CNTN5: variants seen among roughly 807,000 people sequenced by gnomAD.
The protein encoded by CNTN5 is contactin-5.
In CNTN5, 77 loss-of-function variants were observed where a neutral mutation model predicts 129.1. The ratio of observed to expected loss-of-function variants is 0.60; its 90% CI spans 0.50 to 0.72. The LOEUF (loss-of-function observed/expected upper bound fraction) is 0.72, where lower values mean the gene tolerates loss of function less well. Among genes scored for constraint, CNTN5 ranks in the 30% least tolerant of loss-of-function variants. The pLI is 0.00. For missense variants in CNTN5, 1,478 were observed against 1,328.8 expected (o/e 1.11, Z -1.75); for synonymous variants, 509 against 465.6 (o/e 1.09, Z -1.20).
intron 13 of CNTN5, among the ~76,000 whole-genome samples, chr11:100,176,071 G>A (rs1458978856): frequency 6.6e-6 from 1 of 152,048 alleles, no homozygotes; most frequent in African/African-American, 2.4e-5. Flanking sequence ...CCAGGCTAGA[G>A]TGCAGTGGCT....
At chr11:99,978,604 A>G (rs774367935) in intron 8 of CNTN5, among the ~76,000 whole-genome samples, 14 of 152,242 alleles carry the variant, frequency 9.2e-5, no homozygotes, top group Middle Eastern at 3.2e-3. Flanking sequence ...AGTATTCAGT[A>G]GAGTAACATG....
chr11:99,082,346 A>G (rs998187531), intron 1 of CNTN5, among the ~76,000 whole-genome samples: 2 of 152,050 alleles, frequency 1.3e-5, no homozygotes, highest in Admixed American at 1.3e-4. Flanking sequence ...CACCATGCCC[A>G]GCTAATTTTT....
intron 3 of CNTN5, among the ~76,000 whole-genome samples, chr11:99,770,380 A>G (rs761544582): frequency 2.2e-4 from 34 of 152,178 alleles, no homozygotes; most frequent in Middle Eastern, 3.4e-3. Context: ...TTAGCATATA[A>G]TTTATGATTC....
chr11:100,023,842 A>AT (rs149330687), intron 9 of CNTN5, among the ~76,000 whole-genome samples: 9,805 of 150,456 alleles, frequency 0.065, 434 homozygotes, highest in East Asian at 0.21. Context: ...TTGATAGCTA[A>AT]TTTTTTTTTT....
At chr11:99,080,369 G>C (rs995993724) in intron 1 of CNTN5, among the ~76,000 whole-genome samples, 1 of 152,170 alleles carries the variant, frequency 6.6e-6, no homozygotes, top group South Asian at 2.1e-4. Context: ...AAAGTGGTGT[G>C]GAGAGAGCAT....
chr11:99,601,067 T>C (rs1055639852), intron 3 of CNTN5, among the ~76,000 whole-genome samples: 5 of 152,232 alleles, frequency 3.3e-5, no homozygotes, highest in Admixed American at 2.6e-4. Context: ...GGATCACATA[T>C]ACCTTATTTC....
chr11:99,849,193 A>G (rs976736480), intron 6 of CNTN5, among the ~76,000 whole-genome samples: 6 of 151,624 alleles, frequency 4.0e-5, no homozygotes, highest in African/African-American at 1.5e-4. Context: ...ATTATTATAC[A>G]TATTTATTGT....
At chr11:99,851,758 C>A (rs898445740) in intron 6 of CNTN5, among the ~76,000 whole-genome samples, 4 of 152,164 alleles carry the variant, frequency 2.6e-5, no homozygotes, top group Non-Finnish European at 5.9e-5. Context: ...ATTAAAATAA[C>A]CTACTTAACT....
At chr11:100,246,400 T>G (rs1352493704) in intron 16 of CNTN5, among the ~76,000 whole-genome samples, 1 of 152,096 alleles carries the variant, frequency 6.6e-6, no homozygotes, top group Non-Finnish European at 1.5e-5. Context: ...CAAATCTCTT[T>G]TCTTTAGATC....
chr11:99,138,727 A>G (rs1164054947), intron 1 of CNTN5, among the ~76,000 whole-genome samples: 1 of 152,194 alleles, frequency 6.6e-6, no homozygotes, highest in Non-Finnish European at 1.5e-5. Flanking sequence ...CACAAATAAC[A>G]TGAGAAGTCA....
intron 2 of CNTN5, among the ~76,000 whole-genome samples, chr11:99,479,546 T>A (rs1945509932): frequency 6.6e-6 from 1 of 152,000 alleles, no homozygotes; most frequent in Admixed American, 6.6e-5. Flanking sequence ...ATAATCTAAT[T>A]ATAAATAAGC....
chr11:99,164,317 C>A (rs867117788), intron 1 of CNTN5, among the ~76,000 whole-genome samples: 1 of 119,482 alleles, frequency 8.4e-6, no homozygotes, highest in Non-Finnish European at 1.7e-5. Flanking sequence ...AGCAACACTC[C>A]ATCTCAAAAA....
chr11:99,482,926 T>C (rs1344593403), intron 2 of CNTN5, among the ~76,000 whole-genome samples: 1 of 151,828 alleles, frequency 6.6e-6, no homozygotes, highest in Non-Finnish European at 1.5e-5. Context: ...AAAATAACTC[T>C]TAAAACTCAA....
intron 3 of CNTN5, among the ~76,000 whole-genome samples, chr11:99,579,429 C>T (rs1412681295): frequency 2.0e-5 from 3 of 151,684 alleles, no homozygotes; most frequent in Non-Finnish European, 4.4e-5. Context: ...GCAGAATGGC[C>T]ATTTTCATGA....
intron 3 of CNTN5, among the ~76,000 whole-genome samples, chr11:99,700,644 T>C (rs144426347): frequency 2.0e-5 from 3 of 151,508 alleles, no homozygotes; most frequent in South Asian, 4.1e-4. Flanking sequence ...AATTTTGTCA[T>C]GAAATGCAGC....
At chr11:99,360,965 T>G (rs1939069386) in intron 2 of CNTN5, among the ~76,000 whole-genome samples, 1 of 152,208 alleles carries the variant, frequency 6.6e-6, no homozygotes, top group Non-Finnish European at 1.5e-5. Flanking sequence ...TGCTTAGATT[T>G]TTTTTGGCCA....
rs762477372 is a variant in CNTN5 at position 100,225,000 on chromosome 11, T to C, written c.2005+188T>C. The C allele has an allele frequency of 6.6e-6, 3 of 455,864 alleles. No homozygotes were observed. In the Admixed American group the frequency reaches 1.0e-4, roughly 16 times the overall value. 28.2% of individuals were successfully genotyped at this position (455,864 alleles called of 1,614,324 possible). On this transcript the variant is annotated intron_variant, in intron 16 of 24. Coordinates refer to ENST00000524871, the MANE Select transcript of CNTN5 (RefSeq NM_014361.4). The stretch of plus-strand genomic sequence containing the variant: ...TGGAAAACTCCTCCTTAGTAACAGA[T>C]GAAAACCACCAAACTAACTTCAGAG...
chr11:99,259,317 C>A (rs1862523237), intron 1 of CNTN5, among the ~76,000 whole-genome samples: 3 of 151,622 alleles, frequency 2.0e-5, no homozygotes, highest in Non-Finnish European at 2.9e-5. Flanking sequence ...ATCCTATACC[C>A]ATATATGTTA....
chr11:100,082,315 A>T (rs552460614), intron 13 of CNTN5, among the ~76,000 whole-genome samples: 40 of 152,270 alleles, frequency 2.6e-4, no homozygotes, highest in African/African-American at 9.6e-4. Flanking sequence ...AGGGTCTCAC[A>T]ATGTCACCCA....
Sources: allele counts gnomAD v4.1 joint callset (sites outside exome capture counted in the v4.1 genomes callset), GRCh38; gene constraint gnomAD v4.1.1; transcripts MANE v1.5; gene names NCBI Gene and HGNC (gene_info 2026-07-23, HGNC 2026-07-21).